The following RAPGEF3 variants were observed in gnomAD, a reference collection of about 807,000 sequenced individuals.
RAPGEF3 encodes the protein 9330170P05Rik.
Under a neutral mutation model 129.8 loss-of-function variants are expected in RAPGEF3, and 103 were observed. The observed-to-expected ratio is 0.79, with a 90% confidence interval of 0.68 to 0.93. The LOEUF is 0.93. RAPGEF3 is among the 40% of genes least tolerant of loss of function. The pLI is 0.00. For missense variants in RAPGEF3, 1,117 were observed against 1,207.4 expected (o/e 0.93, Z 1.11); for synonymous variants, 436 against 482.6 (o/e 0.90, Z 1.26).
Position 47,748,556 on chromosome 12 carries a change from C to T in RAPGEF3, c.1155-14G>A, listed in dbSNP as rs754469610. On this transcript the variant is annotated splice_polypyrimidine_tract_variant and intron_variant, in intron 11 of 27. Transcript: ENST00000449771. Reference sequence around the variant, plus strand: ...ATCACTGTATACCTAGCAGAAATGGCCAATCTTTGGCACTGGTGCCACTAC... The same window carrying T: ...ATCACTGTATACCTAGCAGAAATGGTCAATCTTTGGCACTGGTGCCACTAC... The T allele has an allele frequency of 1.1e-5, 17 of 1,606,546 alleles. No individual in the cohort carries two copies. Among genetic ancestry groups the T allele is most frequent in the Non-Finnish European group, 8.5e-7 (1 of 1,174,012 alleles).
Position 47,741,489 on chromosome 12 carries a change from C to G in RAPGEF3, c.1923+16G>C. On this transcript the variant is annotated intron_variant, in intron 19 of 27. Transcript: ENST00000449771. ...AGATCTCCTCCCTGGGCCCTGGCAC[C>G]CTGCCTGGTCCCTACCAGCTCATGC... 1 of 1,608,870 alleles carries G rather than the reference C, an allele frequency of 6.2e-7. No individual in the cohort carries two copies. Among genetic ancestry groups the G allele is most frequent in the Non-Finnish European group, 8.5e-7 (1 of 1,175,298 alleles).
chr12:47,755,055 G>C (rs989690931), intron 2 of RAPGEF3, among the ~76,000 whole-genome samples: 10 of 152,216 alleles, frequency 6.6e-5, no homozygotes, highest in African/African-American at 2.2e-4. Flanking sequence ...TGGTGGGACA[G>C]GGGAAGGGTG....
intron 23 of RAPGEF3, chr12:47,739,837 A>G (rs896139919): frequency 4.0e-6 from 2 of 495,516 alleles, no homozygotes; most frequent in Non-Finnish European, 3.7e-6. Context: ...CTGGCACCTC[A>G]GACCCCAGGA....
At chr12:47,750,093 G>C (rs1941657623) in intron 7 of RAPGEF3, 103 bp from the exon 8 acceptor site, 7 of 1,378,004 alleles carry the variant, frequency 5.1e-6, no homozygotes, top group Non-Finnish European at 7.2e-6. Context: ...AGTGCTGGGG[G>C]ACAAAGATGT....
intron 18 of RAPGEF3, 111 bp downstream of exon 18, chr12:47,743,419 A>G (rs1302158610): frequency 2.9e-6 from 4 of 1,386,736 alleles, no homozygotes; most frequent in South Asian, 2.7e-5. Flanking sequence ...CATCATTCAC[A>G]CTGAGGAAGA....
chr12:47,747,690 G>T (rs758462432), intron 14 of RAPGEF3, 22 bp downstream of exon 14: 3 of 1,611,404 alleles, frequency 1.9e-6, no homozygotes, highest in Middle Eastern at 1.7e-4. Flanking sequence ...GCCCAGCCCC[G>T]CTGTGCCTCA....
rs1272633267 is a variant in RAPGEF3 at position 47,738,084 on chromosome 12, G to GA, written c.2590dup (p.Ser864PhefsTer46). ...GTGGGAAACTCGGCTTCTGAGTGGT[G>GA]AGAGAGGCACTGCGGGGGTGGGGAG... On this transcript the variant is annotated frameshift_variant, in exon 27 of 28. Coordinates refer to ENST00000449771, the MANE Select transcript of RAPGEF3 (RefSeq NM_001098531.4). LOFTEE classifies it high-confidence loss of function. 1 of 1,614,064 alleles carries GA rather than the reference G, an allele frequency of 6.2e-7. No homozygotes were observed.
chr12:47,739,518 T>C lies in RAPGEF3; in HGVS notation c.2374-288A>G, dbSNP rs1941010797. On this transcript the variant is annotated intron_variant, in intron 23 of 27. Transcript: ENST00000449771. ...CCCTTTCTATCCCTGTCTCTTTCTG[T>C]GTCCCTCCCTCTCTCTCTCTGCAGA... 10 of 622,720 alleles carry C rather than the reference T, an allele frequency of 1.6e-5. No homozygotes were observed. The South Asian group carries it at 1.7e-4, about 10-fold the overall frequency. 38.6% of individuals were successfully genotyped at this position (622,720 alleles called of 1,614,324 possible).
chr12:47,751,616 G>C (rs1941755302), intron 4 of RAPGEF3, 96 bp from the exon 5 acceptor site: 1 of 1,599,244 alleles, frequency 6.3e-7, no homozygotes, highest in Admixed American at 1.7e-5. Flanking sequence ...GCCCAAGCCT[G>C]GTTCGTCCCT....
rs1941746301 is a variant in RAPGEF3, at chr12:47,751,530, G to A, written c.381-10C>T. 6.2e-7 allele frequency: 1 copy of A among 1,614,236 alleles called. No individual in the cohort carries two copies. The highest frequency in any genetic ancestry group is 8.5e-7 in the Non-Finnish European group (1 of 1,180,026). ...GCCAGAGCAGCACTGCCTATGGAAGGTAGAAGGGGACAGGCCAGTGGAAGG... is the reference window on the plus strand; with the variant it reads ...GCCAGAGCAGCACTGCCTATGGAAGATAGAAGGGGACAGGCCAGTGGAAGG... On this transcript the variant is annotated splice_polypyrimidine_tract_variant and intron_variant, in intron 4 of 27. Coordinates refer to ENST00000449771, the MANE Select transcript of RAPGEF3 (RefSeq NM_001098531.4).
chr12:47,748,368 G>A (rs734706), intron 12 of RAPGEF3, 86 bp downstream of exon 12: 126,790 of 1,281,618 alleles, frequency 0.099, 7,106 homozygotes, highest in African/African-American at 0.18. Flanking sequence ...ATTCGGTGAC[G>A]TCAGATGCAG....
chr12:47,748,161 C>G lies in RAPGEF3; in HGVS notation c.1244-9G>C. 2 of 1,566,426 alleles carry G rather than the reference C, an allele frequency of 1.3e-6. No individual in the cohort carries two copies. Among genetic ancestry groups the G allele is most frequent in the South Asian group, 2.3e-5 (2 of 85,618 alleles). On this transcript the variant is annotated splice_polypyrimidine_tract_variant and intron_variant, in intron 12 of 27. Transcript: ENST00000449771. ...GTCGCTGAGGAATGTCTCTGTATGA[C>G]AGGGTGAGGGGATGGGAGGAGGCTT...
At position 47,737,954 on chromosome 12, in the gene RAPGEF3, A is replaced by G. The variant is rs953365957; in HGVS notation, c.2653+68T>C. On this transcript the variant is annotated intron_variant, in intron 27 of 27. Coordinates refer to ENST00000449771, the MANE Select transcript of RAPGEF3 (RefSeq NM_001098531.4). Reference sequence around the variant, plus strand: ...GCCTGGCACATGGCAAGTGCCTAGGATGTGCCAGCCATGGGTAACTACCAT... The same window carrying G: ...GCCTGGCACATGGCAAGTGCCTAGGGTGTGCCAGCCATGGGTAACTACCAT... The G allele has an allele frequency of 9.8e-6, 15 of 1,530,228 alleles. No homozygotes were observed. The African/African-American group carries it at 2.0e-4, about 21-fold the overall frequency. 94.8% of individuals were successfully genotyped at this position (1,530,228 alleles called of 1,614,324 possible).
At chr12:47,751,570 A>C in intron 4 of RAPGEF3, 50 bp from the exon 5 acceptor site, 1 of 1,611,976 alleles carries the variant, frequency 6.2e-7, no homozygotes, top group Non-Finnish European at 8.5e-7. Flanking sequence ...TGGCAGGGAG[A>C]GGGAGGAACT....
At chr12:47,746,637 G>C (rs1592553080) in intron 16 of RAPGEF3, 2 of 712,948 alleles carry the variant, frequency 2.8e-6, no homozygotes, top group Non-Finnish European at 5.2e-6. Flanking sequence ...GAGTCAGGGA[G>C]TGGGCGAGGA....
intron 2 of RAPGEF3, among the ~76,000 whole-genome samples, chr12:47,752,291 G>T (rs1941801950): frequency 6.6e-6 from 1 of 152,234 alleles, no homozygotes; most frequent in African/African-American, 2.4e-5. Context: ...TTGGGGGAAA[G>T]AAGTGAGGGA....
At chr12:47,751,695 GC>G (rs1235822764) in intron 4 of RAPGEF3, 27 bp downstream of exon 4, 1 of 1,608,846 alleles carries the variant, frequency 6.2e-7, no homozygotes, top group Non-Finnish European at 8.5e-7. Flanking sequence ...GTGAGGCTGG[GC>G]AAGGAGGCAG....
rs1158074452 is a variant in RAPGEF3 at position 47,751,904 on chromosome 12, C to T, written c.273+12G>A. On this transcript the variant is annotated intron_variant, in intron 3 of 27. Transcript: ENST00000449771. ...GCTGCCTGTCCCAGCTCCACCCTGC[C>T]CAGGCTTCTACCTGCTCCAGGCTCT... is the stretch of plus-strand genomic sequence containing the variant. 1.2e-6 allele frequency: 2 copies of T among 1,614,160 alleles called. No homozygotes were observed. Among genetic ancestry groups the T allele is most frequent in the Non-Finnish European group, 1.7e-6 (2 of 1,179,994 alleles).
rs765224189 is a variant in RAPGEF3, at chr12:47,744,081, G to A, written c.1597-13C>T. 3.8e-6 allele frequency: 6 copies of A among 1,574,328 alleles called. No individual in the cohort carries two copies. The highest frequency in any genetic ancestry group is 2.2e-5 in the East Asian group (1 of 44,596). ...GCAAGTTCCGGGCCTGGGAGGAAGAGGAACGAGAAAATAAGGCTGGGAGGA... is the reference window on the plus strand; with the variant it reads ...GCAAGTTCCGGGCCTGGGAGGAAGAAGAACGAGAAAATAAGGCTGGGAGGA... On this transcript the variant is annotated splice_polypyrimidine_tract_variant and intron_variant, in intron 16 of 27. Transcript: ENST00000449771.
Sources: gnomAD v4.1 joint callset for allele counts (sites outside exome capture counted in the v4.1 genomes callset) on GRCh38, gnomAD v4.1.1 for gene constraint, MANE v1.5 for transcripts, NCBI Gene and HGNC (gene_info 2026-07-23, HGNC 2026-07-21) for gene names.